ZNF385D: variants seen among roughly 807,000 people sequenced by gnomAD.
ZNF385D encodes zinc finger protein 659.
In ZNF385D, 15 loss-of-function variants were observed where a neutral mutation model predicts 35.8. That is an observed-to-expected ratio of 0.42 (90% confidence interval 0.28 to 0.64). ZNF385D has a LOEUF of 0.64. Ranked by LOEUF, ZNF385D falls within the 30% of genes least tolerant of loss-of-function variation. ZNF385D has a pLI of 0.23. For missense variants in ZNF385D, 474 were observed against 494.6 expected (o/e 0.96, Z 0.39); for synonymous variants, 212 against 186.8 (o/e 1.13, Z -1.10).
chr3:21,999,544 C>G (rs1197912953), intron 3 of ZNF385D, among the ~76,000 whole-genome samples: 1 of 152,096 alleles, frequency 6.6e-6, no homozygotes, highest in Non-Finnish European at 1.5e-5. Context: ...GTATTATTCT[C>G]TTGAGAAGAA....
At chr3:21,534,002 AAATT>A (rs1332628694) in intron 3 of ZNF385D, among the ~76,000 whole-genome samples, 5 of 152,132 alleles carry the variant, frequency 3.3e-5, no homozygotes, top group African/African-American at 7.2e-5. Context: ...AGAGGAAAGA[AAATT>A]AACACTGAAT....
chr3:22,218,254 C>A (rs1698017771), intron 2 of ZNF385D, among the ~76,000 whole-genome samples: 1 of 151,952 alleles, frequency 6.6e-6, no homozygotes, highest in Non-Finnish European at 1.5e-5. Flanking sequence ...ACATTGTAGG[C>A]TTTTCAGCAT....
chr3:22,113,563 C>T (rs1702649240), intron 3 of ZNF385D, among the ~76,000 whole-genome samples: 1 of 152,034 alleles, frequency 6.6e-6, no homozygotes, highest in Non-Finnish European at 1.5e-5. Flanking sequence ...TCATAAAGAA[C>T]TTTTGGGACA....
chr3:22,306,184 G>C (rs1703203614), intron 2 of ZNF385D, among the ~76,000 whole-genome samples: 1 of 152,010 alleles, frequency 6.6e-6, no homozygotes, highest in African/African-American at 2.4e-5. Context: ...AATTGCCCTT[G>C]ACTACCTTAG....
At chr3:21,918,138 T>C (rs1337316191) in intron 3 of ZNF385D, among the ~76,000 whole-genome samples, 2 of 152,212 alleles carry the variant, frequency 1.3e-5, no homozygotes, top group African/African-American at 4.8e-5. Context: ...TAAATCAATG[T>C]TTAGCCAAAT....
chr3:22,074,803 G>T lies in ZNF385D; in HGVS notation c.325+94014C>A, dbSNP rs117146480. Among the ~76,000 whole-genome samples the T allele has an allele frequency of 6.1e-3, 920 of 151,750 alleles. 12 individuals carry two copies. The highest frequency in any genetic ancestry group is 0.028 in the East Asian group (142 of 5,144). ...CCTTCTCATGATAATAGATGAAGTG[G>T]GTCTCTGTCAAAAGTACATCCTTTC... On this transcript the variant is annotated intron_variant, in intron 3 of 5. Coordinates refer to the ZNF385D transcript ENST00000494108.
intron 3 of ZNF385D, among the ~76,000 whole-genome samples, chr3:21,892,178 AATCTT>A (rs1363249821): frequency 2.0e-5 from 3 of 152,314 alleles, no homozygotes; most frequent in Admixed American, 2.0e-4. Context: ...CCTCAAATGA[AATCTT>A]ATTTTTATAA....
At chr3:21,872,212 T>C (rs1002208369) in intron 3 of ZNF385D, among the ~76,000 whole-genome samples, 1 of 152,118 alleles carries the variant, frequency 6.6e-6, no homozygotes, top group Non-Finnish European at 1.5e-5. Context: ...AATTTATTGA[T>C]GCTCGAGTAA....
chr3:21,775,749 G>T (rs1221017916), intron 3 of ZNF385D, among the ~76,000 whole-genome samples: 1 of 151,682 alleles, frequency 6.6e-6, no homozygotes, highest in African/African-American at 2.4e-5. Context: ...TTTTCTTATT[G>T]ATTTAAGAAT....
Position 22,257,372 on chromosome 3 carries a change from A to G in ZNF385D, c.107-88337T>C, listed in dbSNP as rs570041577. On this transcript the variant is annotated intron_variant, in intron 2 of 5. Transcript: ENST00000494108. ...TCACTTCCACTCATGCTATAAAGGC[A>G]CCAACATTTTTCATCATCATACTGA... Among the ~76,000 whole-genome samples the G allele has an allele frequency of 1.4e-4, 21 of 151,920 alleles. No homozygotes were observed. The South Asian group carries it at 4.4e-3, about 32-fold the overall frequency.
At chr3:22,186,585 A>G (rs1695646557) in intron 2 of ZNF385D, among the ~76,000 whole-genome samples, 2 of 152,072 alleles carry the variant, frequency 1.3e-5, no homozygotes, top group South Asian at 4.1e-4. Context: ...CAACCTTCTG[A>G]TTTTGATCTG....
intron 3 of ZNF385D, among the ~76,000 whole-genome samples, chr3:22,019,798 C>T (rs1697116631): frequency 6.6e-6 from 1 of 151,552 alleles, no homozygotes; most frequent in African/African-American, 2.4e-5. Flanking sequence ...AAATGTGGGG[C>T]CCTTATTTGA....
At chr3:21,511,777 A>C in intron 3 of ZNF385D, 1 of 455,496 alleles carries the variant, frequency 2.2e-6, no homozygotes, top group South Asian at 1.6e-5. Context: ...ATAGAGAGAG[A>C]GTTTAGAGTG....
intron 1 of ZNF385D, among the ~76,000 whole-genome samples, chr3:21,719,369 C>G (rs769813150): frequency 5.3e-5 from 8 of 152,214 alleles, no homozygotes; most frequent in Non-Finnish European, 1.2e-4. Flanking sequence ...TGACCGTGTT[C>G]TCTGGATGCA....
chr3:22,206,757 C>A (rs1328037329), intron 2 of ZNF385D, among the ~76,000 whole-genome samples: 1 of 151,660 alleles, frequency 6.6e-6, no homozygotes, highest in African/African-American at 2.4e-5. Context: ...ATACCAAAAC[C>A]TATGGGATAC....
chr3:21,532,116 G>A (rs1473995649), intron 3 of ZNF385D, among the ~76,000 whole-genome samples: 1 of 152,072 alleles, frequency 6.6e-6, no homozygotes, highest in Non-Finnish European at 1.5e-5. Context: ...GGGAGATAAT[G>A]CACCTCCTTC....
At position 21,953,548 on chromosome 3, in the gene ZNF385D, T is replaced by C. The variant is rs115893162; in HGVS notation, c.325+215269A>G. 5.5e-3 allele frequency among the ~76,000 whole-genome samples: 836 copies of C among 152,138 alleles called. 8 individuals are homozygous for C. The highest frequency in any genetic ancestry group is 0.018 in the African/African-American group (758 of 41,560). ...AATGGCTAAAATACAGTTTATTCAATAGCTTTGGTTCTTAGTGGCTACTTT... is the reference window on the plus strand; with the variant it reads ...AATGGCTAAAATACAGTTTATTCAACAGCTTTGGTTCTTAGTGGCTACTTT... On this transcript the variant is annotated intron_variant, in intron 3 of 5. Transcript: ENST00000494108.
intron 3 of ZNF385D, among the ~76,000 whole-genome samples, chr3:21,798,671 G>T (rs2072262393): frequency 6.6e-6 from 1 of 152,028 alleles, no homozygotes; most frequent in Admixed American, 6.6e-5. Flanking sequence ...AATCTAAGCA[G>T]GGATGTGACA....
chr3:21,917,717 C>T (rs993494391), intron 3 of ZNF385D, among the ~76,000 whole-genome samples: 1 of 152,100 alleles, frequency 6.6e-6, no homozygotes, highest in Non-Finnish European at 1.5e-5. Flanking sequence ...GGAAAAAAAT[C>T]ATTAAAAACC....
Sources: gnomAD v4.1 joint callset for allele counts (sites outside exome capture counted in the v4.1 genomes callset) on GRCh38, gnomAD v4.1.1 for gene constraint, MANE v1.5 for transcripts, NCBI Gene and HGNC (gene_info 2026-07-23, HGNC 2026-07-21) for gene names.